Variants in NRG1 observed in about 807,000 individuals in gnomAD.
NRG1 encodes neuregulin 1, also known as pro-neuregulin-1, membrane-bound isoform.
In NRG1, 18 loss-of-function variants were observed where a neutral mutation model predicts 63.8. That is an observed-to-expected ratio of 0.28 (90% CI 0.19 to 0.42). NRG1 has a LOEUF of 0.42. NRG1 is among the 10% of genes least tolerant of loss of function. The pLI is 1.00. For synonymous variants in NRG1, 302 were observed against 301.3 expected, an observed-to-expected ratio of 1.00 and a Z score of -0.02; for missense variants, 762 against 814.7, an observed-to-expected ratio of 0.94 and a Z score of 0.79.
Position 32,489,915 on chromosome 8 carries a change from C to T in NRG1, c.38-105913C>T, listed in dbSNP as rs139620322. The stretch of plus-strand genomic sequence containing the variant: ...TATTCTTTATGTGTGACTTTGGATG[C>T]TCTCAATACACTTAAATTGTATGTC... On this transcript the variant is annotated intron_variant, in intron 1 of 10. Coordinates refer to the NRG1 transcript ENST00000519301. Among the ~76,000 whole-genome samples, 915 of 152,308 alleles carry T rather than the reference C, an allele frequency of 6.0e-3. 5 individuals are homozygous for T. Among genetic ancestry groups the T allele is most frequent in the African/African-American group, 0.021 (863 of 41,568 alleles).
At chr8:32,501,357 A>C (rs1827829665) in intron 1 of NRG1, among the ~76,000 whole-genome samples, 1 of 152,230 alleles carries the variant, frequency 6.6e-6, no homozygotes, top group Non-Finnish European at 1.5e-5. Flanking sequence ...TATCCATACA[A>C]ATATAACCCA....
intron 1 of NRG1, among the ~76,000 whole-genome samples, chr8:31,694,902 A>G (rs1809900566): frequency 6.6e-6 from 1 of 152,238 alleles, no homozygotes; most frequent in South Asian, 2.1e-4. Flanking sequence ...GGAAAAGTGT[A>G]TGGAAATTTA....
At chr8:32,674,144 G>C (rs1806430958) in intron 5 of NRG1, among the ~76,000 whole-genome samples, 1 of 152,034 alleles carries the variant, frequency 6.6e-6, no homozygotes, top group Non-Finnish European at 1.5e-5. Context: ...ATATGTCTTT[G>C]TCTCATCAAT....
chr8:31,902,802 C>A (rs1424503910), intron 1 of NRG1, among the ~76,000 whole-genome samples: 2 of 152,108 alleles, frequency 1.3e-5, no homozygotes, highest in African/African-American at 4.8e-5. Context: ...GACAGTTACA[C>A]TGATAAATCC....
chr8:31,956,420 A>T (rs939631774), intron 1 of NRG1, among the ~76,000 whole-genome samples: 1 of 152,156 alleles, frequency 6.6e-6, no homozygotes, highest in Non-Finnish European at 1.5e-5. Flanking sequence ...GATCGAGACC[A>T]TCCCGGCTAA....
chr8:32,459,822 T>G (rs1277156668), intron 1 of NRG1, among the ~76,000 whole-genome samples: 2 of 152,228 alleles, frequency 1.3e-5, no homozygotes, highest in Admixed American at 6.5e-5. Flanking sequence ...TTAGGGCCTT[T>G]GCAATTGCTA....
At chr8:32,571,641 C>T (rs1200776313) in intron 1 of NRG1, among the ~76,000 whole-genome samples, 1 of 152,094 alleles carries the variant, frequency 6.6e-6, no homozygotes, top group Non-Finnish European at 1.5e-5. Context: ...TCACATCTTT[C>T]TTCAAGCTTT....
At chr8:32,292,580 CTCTGT>C (rs1379509520) in intron 1 of NRG1, among the ~76,000 whole-genome samples, 2 of 152,192 alleles carry the variant, frequency 1.3e-5, no homozygotes, top group African/African-American at 4.8e-5. Flanking sequence ...TGCTCTCTCT[CTCTGT>C]TCTCCATTCG....
rs1052833532 is a variant in NRG1 at position 31,766,946 on chromosome 8, C to T, written c.37+127515C>T. The stretch of plus-strand genomic sequence containing the variant: ...GTTCCACATGGTCATCTGAACATTC[C>T]GTGAAGCATTTCTATCCTCCCAGGA... On this transcript the variant is annotated intron_variant, in intron 1 of 10. Transcript: ENST00000519301. 5.3e-5 allele frequency among the ~76,000 whole-genome samples: 8 copies of T among 152,272 alleles called. No individual in the cohort carries two copies. The East Asian group carries it at 5.8e-4, about 11-fold the overall frequency.
At chr8:32,546,123 A>T (rs1290460474), upstream of NRG1, among the ~76,000 whole-genome samples, 5 of 152,240 alleles carry the variant, frequency 3.3e-5, no homozygotes, top group East Asian at 9.6e-4. Context: ...ATTTTGGAAG[A>T]CTGTCAACTA....
At chr8:32,016,119 G>A (rs1815493534) in intron 1 of NRG1, among the ~76,000 whole-genome samples, 2 of 152,154 alleles carry the variant, frequency 1.3e-5, no homozygotes, top group African/African-American at 2.4e-5. Context: ...ACATTCAGAT[G>A]TCCAGTGATG....
intron 1 of NRG1, among the ~76,000 whole-genome samples, chr8:32,146,491 T>TGATC (rs2131786094): frequency 6.6e-6 from 1 of 152,314 alleles, no homozygotes; most frequent in Admixed American, 6.5e-5. Context: ...GGCATATTAA[T>TGATC]GATCCCTAAT....
chr8:32,673,067 A>G (rs1456918794), intron 5 of NRG1, among the ~76,000 whole-genome samples: 1 of 150,942 alleles, frequency 6.6e-6, no homozygotes, highest in African/African-American at 2.5e-5. Context: ...TTATGCCTAT[A>G]ATTAAAACAA....
chr8:32,753,790 G>A (rs1448612178), intron 7 of NRG1, among the ~76,000 whole-genome samples: 4 of 152,200 alleles, frequency 2.6e-5, no homozygotes, highest in Non-Finnish European at 5.9e-5. Context: ...GTTTGCAAAT[G>A]TCTTTGAATT....
chr8:32,288,007 A>G (rs1315118065), intron 1 of NRG1, among the ~76,000 whole-genome samples: 2 of 152,244 alleles, frequency 1.3e-5, no homozygotes, highest in East Asian at 1.9e-4. Flanking sequence ...TATTCGTGGT[A>G]CATATTTTCC....
chr8:32,745,586 T>C (rs921514370), intron 7 of NRG1, among the ~76,000 whole-genome samples: 1 of 152,164 alleles, frequency 6.6e-6, no homozygotes, highest in East Asian at 1.9e-4. Context: ...GAAAATATTG[T>C]CAAGGTTAGT....
Position 32,564,733 on chromosome 8 carries a change from G to C in NRG1, c.100+15907G>C, listed in dbSNP as rs1837114276. On this transcript the variant is annotated intron_variant, in intron 1 of 11. Transcript: ENST00000356819. Reference sequence around the variant, plus strand: ...GTCAGTCTAACTTCATTCCTTTGAAGGTGATCAGCCTTTCTTCTCTGGAGG... The same window carrying C: ...GTCAGTCTAACTTCATTCCTTTGAACGTGATCAGCCTTTCTTCTCTGGAGG... Among the ~76,000 whole-genome samples the C allele has an allele frequency of 2.6e-5, 4 of 152,292 alleles. No individual in the cohort carries two copies. In the South Asian group the frequency reaches 8.3e-4, roughly 32 times the overall value.
At chr8:31,676,656 G>A (rs78201627) in intron 1 of NRG1, among the ~76,000 whole-genome samples, 2,214 of 152,248 alleles carry the variant, frequency 0.015, 61 homozygotes, top group African/African-American at 0.051. Context: ...TGGTGCATGC[G>A]CACATGTGAG....
At chr8:32,531,651 G>T (rs1201639725) in intron 1 of NRG1, among the ~76,000 whole-genome samples, 1 of 152,098 alleles carries the variant, frequency 6.6e-6, no homozygotes, top group Non-Finnish European at 1.5e-5. Context: ...CTTACGAAAT[G>T]GTATTTTTAG....
Sources: allele counts gnomAD v4.1 joint callset (sites outside exome capture counted in the v4.1 genomes callset), GRCh38; gene constraint gnomAD v4.1.1; transcripts MANE v1.5; gene names NCBI Gene and HGNC (gene_info 2026-07-23, HGNC 2026-07-21).